LRRC40: variants seen among roughly 807,000 people sequenced by gnomAD.
LRRC40 encodes leucine-rich repeat-containing protein 40.
LRRC40 carries 76 observed loss-of-function variants against 72.8 expected under a neutral mutation model. The ratio of observed to expected loss-of-function variants is 1.04; its 90% confidence interval spans 0.87 to 1.26. The LOEUF (loss-of-function observed/expected upper bound fraction) is 1.26. LRRC40 is among the 50% of genes most tolerant of loss of function. LRRC40 has a pLI of 0.00. For missense variants in LRRC40, 684 were observed against 698.9 expected, an observed-to-expected ratio of 0.98 and a Z score of 0.24; for synonymous variants, 243 against 254.2, an observed-to-expected ratio of 0.96 and a Z score of 0.42.
chr1:70,154,087 A>AACT (rs1429875160), intron 11 of LRRC40, among the ~76,000 whole-genome samples: 1 of 152,158 alleles, frequency 6.6e-6, no homozygotes, highest in African/African-American at 2.4e-5. Flanking sequence ...TCAGTGATGA[A>AACT]ACTACAACTG....
intron 3 of LRRC40, 73 bp from the exon 4 acceptor site, chr1:70,184,987 C>G: frequency 1.5e-6 from 2 of 1,303,952 alleles, no homozygotes; most frequent in Non-Finnish European, 2.1e-6. Flanking sequence ...ACATTTCTTG[C>G]TAACCAATGA....
At chr1:70,181,332 T>C (rs1182228778) in intron 4 of LRRC40, 123 bp from the exon 5 acceptor site, 1 of 504,548 alleles carries the variant, frequency 2.0e-6, no homozygotes. Flanking sequence ...TAAGATGTGA[T>C]AAGTTGTGTA....
intron 11 of LRRC40, among the ~76,000 whole-genome samples, chr1:70,154,496 A>G (rs1292237429): frequency 6.6e-6 from 1 of 152,206 alleles, no homozygotes; most frequent in East Asian, 1.9e-4. Flanking sequence ...TAAATGCTCA[A>G]TTCTATCAAA....
intron 14 of LRRC40, chr1:70,147,172 G>C (rs1322945729): frequency 6.6e-6 from 1 of 152,178 alleles, no homozygotes; most frequent in Non-Finnish European, 1.5e-5. Flanking sequence ...AAAAATTGGA[G>C]TCACCCCACG....
intron 4 of LRRC40, among the ~76,000 whole-genome samples, chr1:70,183,991 G>A (rs773595443): frequency 6.6e-6 from 1 of 152,104 alleles, no homozygotes; most frequent in African/African-American, 2.4e-5. Context: ...GCTCATGCCC[G>A]TAATGCCAGA....
At chr1:70,148,803 C>T (rs1667386374) in intron 13 of LRRC40, 131 bp from the exon 14 acceptor site, 1 of 482,908 alleles carries the variant, frequency 2.1e-6, no homozygotes, top group African/African-American at 1.9e-5. Context: ...GGCATTAAGT[C>T]CTGTATTTGA....
chr1:70,165,169 T>C (rs1166013364), intron 9 of LRRC40, among the ~76,000 whole-genome samples: 1 of 152,244 alleles, frequency 6.6e-6, no homozygotes, highest in Non-Finnish European at 1.5e-5. Context: ...AAAAGATTAA[T>C]TTTTCAAAAA....
At position 70,145,913 on chromosome 1, in the gene LRRC40, AAAGAGAG is replaced by A; in HGVS notation, c.1704-15_1704-9del. 4 of 1,398,724 alleles carry A rather than the reference AAAGAGAG, an allele frequency of 2.9e-6. No homozygotes were observed. The highest frequency in any genetic ancestry group is 4.0e-6 in the Non-Finnish European group (4 of 997,628). The allele number at this position is 1,398,724 out of a possible 1,614,324, so 86.6% of individuals were successfully genotyped here. ...CCATCCAGTAGTAATGTTCTAAACAAAAGAGAGAAATTGAGAATGTAAACATTTTCCA... is the reference window on the plus strand; with the variant it reads ...CCATCCAGTAGTAATGTTCTAAACAAAAATTGAGAATGTAAACATTTTCCA... On this transcript the variant is annotated splice_polypyrimidine_tract_variant and intron_variant, in intron 14 of 14. Coordinates refer to ENST00000370952, the MANE Select transcript of LRRC40 (RefSeq NM_017768.5).
intron 10 of LRRC40, among the ~76,000 whole-genome samples, chr1:70,157,877 G>A (rs1476678687): frequency 1.3e-5 from 2 of 151,990 alleles, no homozygotes; most frequent in Admixed American, 1.3e-4. Flanking sequence ...GCTGAGGCAG[G>A]AGGATCACTT....
intron 4 of LRRC40, among the ~76,000 whole-genome samples, chr1:70,181,673 C>T (rs1029705721): frequency 2.6e-5 from 4 of 151,756 alleles, no homozygotes; most frequent in South Asian, 2.1e-4. Context: ...CTGAAAAAAA[C>T]GGCCATTCAA....
intron 1 of LRRC40, among the ~76,000 whole-genome samples, chr1:70,198,245 T>C (rs1668659429): frequency 6.6e-6 from 1 of 152,188 alleles, no homozygotes; most frequent in Non-Finnish European, 1.5e-5. Flanking sequence ...TACACCCATA[T>C]TTCCCTTTCA....
intron 14 of LRRC40, 77 bp downstream of exon 14, chr1:70,148,410 T>C: frequency 7.9e-7 from 1 of 1,262,226 alleles, no homozygotes; most frequent in Non-Finnish European, 1.1e-6. Flanking sequence ...CTTGCAAATT[T>C]ATCTGAAAAA....
In LRRC40 at chr1:70,175,941, T is replaced by C. The variant is rs1241906931; in HGVS notation, c.846A>G (p.Ala282=). The C allele has an allele frequency of 1.3e-6, 2 of 1,589,054 alleles. No homozygotes were observed. Among genetic ancestry groups the C allele is most frequent in the East Asian group, 2.3e-5 (1 of 43,392 alleles). Residue 282 remains alanine, a synonymous_variant, in exon 7 of 15, where the codon GCA becomes GCG. Coordinates refer to ENST00000370952, the MANE Select transcript of LRRC40 (RefSeq NM_017768.5). ...TTGAATTCAGATGTTTAAGATGTTCTGCCTCTAACATTTCAATCTGGTTTT... is the reference window on the plus strand; with the variant it reads ...TTGAATTCAGATGTTTAAGATGTTCCGCCTCTAACATTTCAATCTGGTTTT... ...VGENQIEMLE[A]EHLKHLNSIL...
intron 6 of LRRC40, among the ~76,000 whole-genome samples, chr1:70,178,267 A>T (rs1668153677): frequency 6.6e-6 from 1 of 152,226 alleles, no homozygotes; most frequent in Admixed American, 6.5e-5. Context: ...CTGATTTGCC[A>T]TTAATAGAAA....
intron 4 of LRRC40, 96 bp downstream of exon 4, chr1:70,184,689 T>C: frequency 1.9e-5 from 22 of 1,167,758 alleles, no homozygotes; most frequent in Middle Eastern, 2.1e-4. Flanking sequence ...CAGCTGTCCA[T>C]GTTCCCACAG....
At chr1:70,162,760 C>G (rs898408693) in intron 9 of LRRC40, among the ~76,000 whole-genome samples, 1 of 152,146 alleles carries the variant, frequency 6.6e-6, no homozygotes, top group African/African-American at 2.4e-5. Flanking sequence ...AAACTATGGC[C>G]AGGTCTATTG....
In LRRC40 at chr1:70,201,212, A is replaced by T. The variant is rs569466827; in HGVS notation, c.151+4178T>A. 3.3e-5 allele frequency among the ~76,000 whole-genome samples: 5 copies of T among 152,332 alleles called. No individual in the cohort carries two copies. The East Asian group carries it at 9.6e-4, about 29-fold the overall frequency. Reference sequence around the variant, plus strand: ...AAATATATTTTGAATGTAAATCATAATTTGAGGTACTAATATTTTGGGGTA... The same window carrying T: ...AAATATATTTTGAATGTAAATCATATTTTGAGGTACTAATATTTTGGGGTA... On this transcript the variant is annotated intron_variant, in intron 1 of 14. Transcript: ENST00000370952.
chr1:70,196,965 A>G (rs951834521), intron 1 of LRRC40, among the ~76,000 whole-genome samples: 3 of 152,212 alleles, frequency 2.0e-5, no homozygotes, highest in Non-Finnish European at 4.4e-5. Context: ...AGGCAATTCT[A>G]TCGGAAAAAT....
At chr1:70,161,051 G>A (rs910179912) in intron 9 of LRRC40, among the ~76,000 whole-genome samples, 1 of 151,252 alleles carries the variant, frequency 6.6e-6, no homozygotes, top group African/African-American at 2.4e-5. Context: ...AGCCAAATAA[G>A]AGGTCAATCA....
Sources: gnomAD v4.1 joint callset for allele counts (sites outside exome capture counted in the v4.1 genomes callset) on GRCh38, gnomAD v4.1.1 for gene constraint, MANE v1.5 for transcripts, NCBI Gene and HGNC (gene_info 2026-07-23, HGNC 2026-07-21) for gene names.